TJP1: variants seen among roughly 807,000 people sequenced by gnomAD.
TJP1 encodes the protein tight junction protein ZO-1.
Under a neutral mutation model 194.2 loss-of-function variants are expected in TJP1, and 43 were observed. That is an observed-to-expected ratio of 0.22 (90% CI 0.17 to 0.29). TJP1 has a LOEUF of 0.29. Ranked by LOEUF, TJP1 falls within the 10% of genes least tolerant of loss-of-function variation. The pLI is 1.00. For synonymous variants in TJP1, 801 were observed against 779.0 expected (o/e 1.03, Z -0.47); for missense variants, 1,971 against 2,185.7 (o/e 0.90, Z 1.96).
chr15:29,877,718 G>A (rs547758337), intron 2 of TJP1, among the ~76,000 whole-genome samples: 20 of 151,518 alleles, frequency 1.3e-4, no homozygotes, highest in Admixed American at 8.5e-4. Flanking sequence ...GAGTGCAGTG[G>A]CACAATCTTG....
chr15:29,956,012 C>T (rs1470767460), intron 2 of TJP1, among the ~76,000 whole-genome samples: 3 of 152,016 alleles, frequency 2.0e-5, no homozygotes, highest in African/African-American at 7.2e-5. Flanking sequence ...TCTCTATCTT[C>T]ATATTTGGAT....
chr15:29,947,518 G>C (rs575963110), intron 2 of TJP1, among the ~76,000 whole-genome samples: 4 of 152,176 alleles, frequency 2.6e-5, no homozygotes, highest in Non-Finnish European at 4.4e-5. Flanking sequence ...GACCCTGCTA[G>C]TTACCTACAA....
intron 2 of TJP1, among the ~76,000 whole-genome samples, chr15:29,843,764 G>A (rs540305594): frequency 6.6e-6 from 1 of 152,324 alleles, no homozygotes. Context: ...CTGTGGGGAA[G>A]GCAGGGGACG....
intron 2 of TJP1, among the ~76,000 whole-genome samples, chr15:29,828,346 C>T (rs2050735732): frequency 1.3e-5 from 2 of 151,930 alleles, no homozygotes; most frequent in Admixed American, 1.3e-4. Flanking sequence ...AATATGGGTG[C>T]ATTATAGTTT....
intron 2 of TJP1, among the ~76,000 whole-genome samples, chr15:29,945,994 T>C (rs2055268652): frequency 6.6e-6 from 1 of 152,184 alleles, no homozygotes; most frequent in African/African-American, 2.4e-5. Flanking sequence ...CAGAGCCTCC[T>C]TGAAGAAAAG....
chr15:29,889,125 G>A (rs897098925), intron 2 of TJP1, among the ~76,000 whole-genome samples: 1 of 152,132 alleles, frequency 6.6e-6, no homozygotes, highest in African/African-American at 2.4e-5. Flanking sequence ...TAACGTTTTA[G>A]TGTTAAATAC....
intron 2 of TJP1, among the ~76,000 whole-genome samples, chr15:29,781,091 G>A (rs147719561): frequency 6.6e-6 from 1 of 152,072 alleles, no homozygotes; most frequent in East Asian, 1.9e-4. Flanking sequence ...TAAACTATTA[G>A]CTAGACAAAG....
Position 29,790,429 on chromosome 15 carries a change from T to C in TJP1, c.84+10217A>G, listed in dbSNP as rs189530406. Among the ~76,000 whole-genome samples, 277 of 108,378 alleles carry C rather than the reference T, an allele frequency of 2.6e-3. 1 individual carries two copies. The highest frequency in any genetic ancestry group is 9.2e-3 in the Middle Eastern group (2 of 218). 71.1% of individuals were successfully genotyped at this position (108,378 alleles called of 152,430 possible). On this transcript the variant is annotated intron_variant, in intron 2 of 27. Coordinates refer to ENST00000614355, the MANE Select transcript of TJP1 (RefSeq NM_001330239.4). Reference sequence around the variant, plus strand: ...TAATTATTATAGTAAACAGTAGTTGTATATATTTATGGGATCCACATCATA... The same window carrying C: ...TAATTATTATAGTAAACAGTAGTTGCATATATTTATGGGATCCACATCATA...
chr15:29,760,393 T>G (rs183239901), intron 8 of TJP1: 21 of 618,672 alleles, frequency 3.4e-5, no homozygotes, highest in African/African-American at 3.3e-4. Context: ...GTTTTGTTTT[T>G]GAGAAAGAGT....
At chr15:29,780,391 G>T (rs909754862) in intron 2 of TJP1, among the ~76,000 whole-genome samples, 7 of 152,004 alleles carry the variant, frequency 4.6e-5, no homozygotes, top group African/African-American at 1.5e-4. Context: ...CTCACAACAG[G>T]GTTCACACTC....
At chr15:29,942,453 T>G (rs2055113435) in intron 2 of TJP1, among the ~76,000 whole-genome samples, 1 of 152,214 alleles carries the variant, frequency 6.6e-6, no homozygotes, top group Admixed American at 6.5e-5. Context: ...GAAGACTCCT[T>G]TAGAAATATC....
chr15:29,799,782 G>C (rs1057159379), intron 2 of TJP1, among the ~76,000 whole-genome samples: 38 of 152,112 alleles, frequency 2.5e-4, no homozygotes, highest in Non-Finnish European at 8.8e-5. Flanking sequence ...ACATTCGTGA[G>C]ATAATCAGGG....
At chr15:29,705,436 G>A in intron 26 of TJP1, 92 bp downstream of exon 26, 1 of 1,286,494 alleles carries the variant, frequency 7.8e-7, no homozygotes, top group Non-Finnish European at 1.1e-6. Context: ...ATAGAGAGGT[G>A]CTGCATTATT....
At chr15:29,800,608 G>A (rs1226452890) in intron 2 of TJP1, 38 bp downstream of exon 2, 2 of 1,603,462 alleles carry the variant, frequency 1.2e-6, no homozygotes, top group African/African-American at 1.3e-5. Context: ...CCAGTATCCT[G>A]AGTTATACAC....
chr15:29,906,596 T>C (rs1039423565), intron 2 of TJP1, among the ~76,000 whole-genome samples: 2 of 152,088 alleles, frequency 1.3e-5, no homozygotes, highest in Admixed American at 1.3e-4. Flanking sequence ...GTTTTTGTTT[T>C]TGAGACAGAG....
At position 29,822,268 on chromosome 15, in the gene TJP1, G is replaced by GCGCGGCCACCCA; in HGVS notation, c.-252_-241dup. 8.6e-7 allele frequency: 1 copy of GCGCGGCCACCCA among 1,159,218 alleles called. No individual in the cohort carries two copies. Among genetic ancestry groups the GCGCGGCCACCCA allele is most frequent in the Non-Finnish European group, 1.1e-6 (1 of 940,982 alleles). 71.8% of individuals were successfully genotyped at this position (1,159,218 alleles called of 1,614,324 possible). A position where few individuals can be genotyped will look rare whatever the true frequency, so the allele number is the denominator to read the frequency against. Reference sequence around the variant, plus strand: ...GCGCCCGACCGGCACCTCCCTCCGAGCGCGGCCACCCACTCGGCCTCCCGC... The same window carrying GCGCGGCCACCCA: ...GCGCCCGACCGGCACCTCCCTCCGAGCGCGGCCACCCACGCGGCCACCCACTCGGCCTCCCGC... On this transcript the variant is annotated 5_prime_UTR_variant, in exon 1 of 28. Transcript: ENST00000614355.
In TJP1 at chr15:29,718,433, G is replaced by A; in HGVS notation, c.3709C>T (p.Leu1237=). 1 of 1,614,192 alleles carries A rather than the reference G, an allele frequency of 6.2e-7. No homozygotes were observed. Among genetic ancestry groups the A allele is most frequent in the South Asian group, 1.1e-5 (1 of 91,082 alleles). Residue 1237 remains leucine (L), a synonymous_variant, in exon 21 of 28, where the codon CTG becomes TTG. Transcript: ENST00000614355. ...IPSSQHKPEA[L]PSNTKPLPPP... ...GGCAGTGGTTTGGTGTTTGAAGGCAGAGCTTCTGGCTTATGCTGAGATGAA... is the reference window on the plus strand; with the variant it reads ...GGCAGTGGTTTGGTGTTTGAAGGCAAAGCTTCTGGCTTATGCTGAGATGAA...
intron 2 of TJP1, among the ~76,000 whole-genome samples, chr15:29,891,292 C>T (rs1179124424): frequency 1.3e-5 from 2 of 152,190 alleles, no homozygotes; most frequent in African/African-American, 4.8e-5. Flanking sequence ...TGAAGTCCTC[C>T]TACTCTCCAA....
At chr15:29,805,721 AC>A (rs2049069094) in intron 1 of TJP1, among the ~76,000 whole-genome samples, 1 of 152,188 alleles carries the variant, frequency 6.6e-6, no homozygotes, top group Non-Finnish European at 1.5e-5. Flanking sequence ...AGCTTTTTGC[AC>A]CAAAATAAAT....
Sources: gnomAD v4.1 joint callset for allele counts (sites outside exome capture counted in the v4.1 genomes callset) on GRCh38, gnomAD v4.1.1 for gene constraint, MANE v1.5 for transcripts, NCBI Gene and HGNC (gene_info 2026-07-23, HGNC 2026-07-21) for gene names.